FER: variants seen among roughly 807,000 people sequenced by gnomAD.
FER encodes tyrosine-protein kinase Fer.
FER carries 63 observed loss-of-function variants against 111.0 expected under a neutral mutation model. That is an observed-to-expected ratio of 0.57 (90% CI 0.46 to 0.70). FER has a LOEUF of 0.70. Ranked by LOEUF, FER falls within the 30% of genes least tolerant of loss-of-function variation. FER has a pLI of 0.00. For missense variants in FER, 914 were observed against 954.0 expected (o/e 0.96, Z 0.55); for synonymous variants, 327 against 313.9 (o/e 1.04, Z -0.44).
intron 18 of FER, 52 bp from the exon 19 acceptor site, chr5:109,186,148 A>C: frequency 6.2e-7 from 1 of 1,613,400 alleles, no homozygotes; most frequent in South Asian, 1.1e-5. Context: ...AGGAAGGGTC[A>C]CCTACTTGTC....
intron 9 of FER, among the ~76,000 whole-genome samples, chr5:108,891,728 A>G (rs969233595): frequency 1.3e-5 from 2 of 151,000 alleles, no homozygotes; most frequent in Non-Finnish European, 3.0e-5. Flanking sequence ...GGTTAGTTAC[A>G]TATGTATACA....
At chr5:108,906,288 G>C (rs924313757) in intron 10 of FER, among the ~76,000 whole-genome samples, 2 of 151,982 alleles carry the variant, frequency 1.3e-5, no homozygotes, top group African/African-American at 4.8e-5. Flanking sequence ...CTTTTTTGCT[G>C]GTCTTTTTTT....
At chr5:109,054,843 A>T (rs117231706) in intron 16 of FER, among the ~76,000 whole-genome samples, 1 of 152,264 alleles carries the variant, frequency 6.6e-6, no homozygotes, top group African/African-American at 2.4e-5. Flanking sequence ...TTAAATGACT[A>T]TTCTTTCTCT....
intron 5 of FER, among the ~76,000 whole-genome samples, chr5:108,861,820 T>C (rs1763552348): frequency 6.6e-6 from 1 of 152,202 alleles, no homozygotes; most frequent in South Asian, 2.1e-4. Context: ...GGTTTTTATA[T>C]GGTATTAACA....
chr5:108,811,227 G>A (rs1264372011), intron 3 of FER, among the ~76,000 whole-genome samples: 1 of 151,970 alleles, frequency 6.6e-6, no homozygotes, highest in Non-Finnish European at 1.5e-5. Context: ...GGTGGGGCAG[G>A]TCATGCTGCT....
intron 16 of FER, among the ~76,000 whole-genome samples, chr5:109,055,648 A>G (rs537886584): frequency 6.6e-6 from 1 of 151,746 alleles, no homozygotes; most frequent in Admixed American, 6.6e-5. Context: ...TTAACCAGAC[A>G]TGGTGACGTG....
At chr5:108,921,675 G>C (rs1032068522) in intron 10 of FER, among the ~76,000 whole-genome samples, 1 of 152,014 alleles carries the variant, frequency 6.6e-6, no homozygotes, top group Non-Finnish European at 1.5e-5. Context: ...AAGCTACTTC[G>C]ATTTTAGAAA....
intron 16 of FER, among the ~76,000 whole-genome samples, chr5:109,071,209 A>T (rs541183928): frequency 6.6e-6 from 1 of 152,158 alleles, no homozygotes; most frequent in East Asian, 1.9e-4. Flanking sequence ...TCTCCTCAGT[A>T]TCCTCTAGTC....
intron 18 of FER, among the ~76,000 whole-genome samples, chr5:109,181,283 C>G (rs2126858492): frequency 6.6e-6 from 1 of 152,258 alleles, no homozygotes; most frequent in Middle Eastern, 3.4e-3. Flanking sequence ...AATATTAAGT[C>G]AATCAGTTCT....
chr5:109,133,798 CT>C (rs1156633477), intron 17 of FER, among the ~76,000 whole-genome samples: 18 of 152,022 alleles, frequency 1.2e-4, no homozygotes, highest in African/African-American at 4.1e-4. Context: ...TTCCAGCATT[CT>C]TTTAAAGCCT....
At chr5:108,822,306 A>G (rs910420607) in intron 3 of FER, among the ~76,000 whole-genome samples, 1 of 152,202 alleles carries the variant, frequency 6.6e-6, no homozygotes, top group Non-Finnish European at 1.5e-5. Flanking sequence ...CCTATTATGA[A>G]TAATGCCTGT....
chr5:108,922,172 G>A (rs1206266792), intron 10 of FER, among the ~76,000 whole-genome samples: 1 of 152,156 alleles, frequency 6.6e-6, no homozygotes, highest in African/African-American at 2.4e-5. Context: ...AATTTTGGAG[G>A]GAGCATGGCC....
chr5:108,878,483 CT>C (rs11374620), intron 8 of FER, among the ~76,000 whole-genome samples: 9 of 151,702 alleles, frequency 5.9e-5, no homozygotes, highest in East Asian at 1.9e-4. Flanking sequence ...GCATCATCTT[CT>C]TTTTTTTAAC....
intron 17 of FER, among the ~76,000 whole-genome samples, chr5:109,102,350 A>G (rs1352339303): frequency 2.0e-5 from 3 of 152,234 alleles, no homozygotes; most frequent in Non-Finnish European, 4.4e-5. Context: ...ATCTTGAACA[A>G]TGTCAGTGAG....
chr5:108,845,953 A>G (rs1053506249), intron 5 of FER, among the ~76,000 whole-genome samples: 2 of 152,172 alleles, frequency 1.3e-5, no homozygotes, highest in African/African-American at 4.8e-5. Context: ...AAATCTCGCT[A>G]GTCATGACTA....
intron 13 of FER, among the ~76,000 whole-genome samples, chr5:109,001,926 A>AG (rs1226579931): frequency 2.0e-5 from 3 of 152,140 alleles, no homozygotes; most frequent in Non-Finnish European, 2.9e-5. Flanking sequence ...CCAACTTACA[A>AG]GGGATGTGAA....
At chr5:108,782,287 A>ATT (rs112226373) in intron 2 of FER, among the ~76,000 whole-genome samples, 3 of 145,060 alleles carry the variant, frequency 2.1e-5, no homozygotes, top group African/African-American at 7.6e-5. Flanking sequence ...ACTTCCAAGT[A>ATT]TTTTTTTTTT....
rs190792475 is a variant in FER, at chr5:109,016,792, C to T, written c.1657-20630C>T. ...ATGTGCTATGCACAGAATTAAGTTCCTCTCAGATTCATATGTTGAACCACC... is the reference window on the plus strand; with the variant it reads ...ATGTGCTATGCACAGAATTAAGTTCTTCTCAGATTCATATGTTGAACCACC... On this transcript the variant is annotated intron_variant, in intron 13 of 19. Transcript: ENST00000281092. 1.6e-3 allele frequency among the ~76,000 whole-genome samples: 241 copies of T among 152,072 alleles called. 1 individual carries two copies. The highest frequency in any genetic ancestry group is 3.4e-3 in the Middle Eastern group (1 of 294).
At position 109,065,999 on chromosome 5, in the gene FER, T is replaced by C. The variant is rs530779936; in HGVS notation, c.1924+18801T>C. On this transcript the variant is annotated intron_variant, in intron 16 of 19. Transcript: ENST00000281092. ...ATATCCGCATTCAAAATGAAAGATT[T>C]TGTATAGCAAAGTGAAGGTGATTAA... Among the ~76,000 whole-genome samples the C allele has an allele frequency of 3.9e-5, 6 of 152,334 alleles. No homozygotes were observed. In the East Asian group the frequency reaches 1.2e-3, roughly 29 times the overall value.
Sources: allele counts gnomAD v4.1 joint callset (sites outside exome capture counted in the v4.1 genomes callset), GRCh38; gene constraint gnomAD v4.1.1; transcripts MANE v1.5; gene names NCBI Gene and HGNC (gene_info 2026-07-23, HGNC 2026-07-21).